XCR1: variants seen among roughly 807,000 people sequenced by gnomAD.
The protein encoded by XCR1 is chemokine XC receptor 1.
For missense variants in XCR1, 356 were observed against 424.2 expected (o/e 0.84, Z 1.41); for synonymous variants, 187 against 188.5 (o/e 0.99, Z 0.06).
At chr3:46,028,215 T>C (rs1708334452), upstream of XCR1, among the ~76,000 whole-genome samples, 6 of 152,138 alleles carry the variant, frequency 3.9e-5, no homozygotes, top group African/African-American at 1.4e-4. Flanking sequence ...GGACAAGAAC[T>C]TGGAGCTCAC....
intron 5 of XCR1, among the ~76,000 whole-genome samples, chr3:46,041,425 C>T (rs1208107990): frequency 6.6e-6 from 1 of 152,108 alleles, no homozygotes; most frequent in Non-Finnish European, 1.5e-5. Flanking sequence ...TTTGGTGGAA[C>T]TGAGGGCCTG....
At chr3:46,081,772 C>T (rs539884126) in intron 1 of XCR1, among the ~76,000 whole-genome samples, 6 of 151,654 alleles carry the variant, frequency 4.0e-5, no homozygotes, top group South Asian at 2.1e-4. Flanking sequence ...TGTGTGATGC[C>T]GAGGTTGGGG....
intron 1 of XCR1, chr3:46,023,221 C>T: frequency 3.7e-6 from 2 of 543,070 alleles, no homozygotes; most frequent in South Asian, 2.4e-5. Flanking sequence ...GAGGACGCGG[C>T]TGCGTCGCGC....
Position 46,021,155 on chromosome 3 carries a change from G to A in XCR1, c.793C>T (p.Leu265=). ...CGGCAGATGAGCAGGGCGTATTCTA[G>A]CTGCTGTTTGGCCTCGCAGCTCCGG... ...IIRSCEAKQQ[L]EYALLICRNL... The change falls in exon 2 of 2, where the codon CTA becomes TTA. Residue 265 remains leucine, a synonymous_variant. Transcript: ENST00000309285. This position sits in a 1 kb window ranked among gnomAD's most constrained non-coding sequence, Gnocchi z 4.7. 1 of 1,614,280 alleles carries A rather than the reference G, an allele frequency of 6.2e-7. No individual in the cohort carries two copies. The highest frequency in any genetic ancestry group is 8.5e-7 in the Non-Finnish European group (1 of 1,180,048).
At chr3:46,036,222 A>T (rs1454053704) in intron 5 of XCR1, among the ~76,000 whole-genome samples, 1 of 152,172 alleles carries the variant, frequency 6.6e-6, no homozygotes. Flanking sequence ...CCTGGTTAAT[A>T]GGTTCCAGGT....
At chr3:46,065,493 C>A (rs1698052002) in intron 4 of XCR1, among the ~76,000 whole-genome samples, 1 of 152,246 alleles carries the variant, frequency 6.6e-6, no homozygotes, top group South Asian at 2.1e-4. Context: ...TCTGGGCCAC[C>A]TGCCAAATAT....
intron 5 of XCR1, among the ~76,000 whole-genome samples, chr3:46,040,950 A>G (rs1314107498): frequency 2.6e-5 from 4 of 152,206 alleles, no homozygotes; most frequent in Non-Finnish European, 5.9e-5. Flanking sequence ...ATGGAGGACT[A>G]AAATATTTTT....
chr3:46,050,699 G>C (rs1307393767), intron 5 of XCR1, among the ~76,000 whole-genome samples: 1 of 152,130 alleles, frequency 6.6e-6, no homozygotes, highest in African/African-American at 2.4e-5. Context: ...AGTGAGACAC[G>C]TTCTCTTTGA....
rs529748157 is a variant in XCR1, at chr3:46,026,773, G to A, written c.-32+644C>T. Among the ~76,000 whole-genome samples, 31 of 151,868 alleles carry A rather than the reference G, an allele frequency of 2.0e-4. No homozygotes were observed. In the South Asian group the frequency reaches 5.0e-3, roughly 25 times the overall value. ...ATTTTTTTGTATTTTTAGTAGAGACGGGGTTTCACCATGTTAGCCAGGATG... is the reference window on the plus strand; with the variant it reads ...ATTTTTTTGTATTTTTAGTAGAGACAGGGTTTCACCATGTTAGCCAGGATG... On this transcript the variant is annotated intron_variant, in intron 1 of 1. Coordinates refer to ENST00000309285, the MANE Select transcript of XCR1 (RefSeq NM_001024644.2).
Position 46,063,222 on chromosome 3 carries a change from A to G in XCR1, c.-183+3677T>C, listed in dbSNP as rs79347333. Among the ~76,000 whole-genome samples, 62 of 152,312 alleles carry G rather than the reference A, an allele frequency of 4.1e-4. No homozygotes were observed. The East Asian group carries it at 8.5e-3, about 21-fold the overall frequency. ...ACCATTTACAAAGGTGTGGCAGGAT[A>G]TAGGGAATGCAAGAAGGGATGGTAA... is the stretch of plus-strand genomic sequence containing the variant. On this transcript the variant is annotated intron_variant, in intron 4 of 5. Coordinates refer to the XCR1 transcript ENST00000683768.
At chr3:46,065,647 G>T (rs534623287) in intron 4 of XCR1, among the ~76,000 whole-genome samples, 1 of 152,180 alleles carries the variant, frequency 6.6e-6, no homozygotes, top group Non-Finnish European at 1.5e-5. Flanking sequence ...GGAAATGCAG[G>T]TGGTGGCCCC....
At position 46,055,220 on chromosome 3, in the gene XCR1, C is replaced by G. The variant is rs1697831880; in HGVS notation, c.-182-1150G>C. Among the ~76,000 whole-genome samples the G allele has an allele frequency of 2.0e-5, 3 of 152,272 alleles. No individual in the cohort carries two copies. In the South Asian group the frequency reaches 6.2e-4, roughly 32 times the overall value. On this transcript the variant is annotated intron_variant, in intron 4 of 5. Coordinates refer to the XCR1 transcript ENST00000683768. ...AAGTCACGTAGCACTTGATACTGAC[C>G]ATTGGCATCCCTGTTGTTCCTATAG...
In XCR1 at chr3:46,019,520, C is replaced by A. The variant is rs1032573544; in HGVS notation, c.*1426G>T. The A allele has an allele frequency of 6.6e-6, 1 of 152,188 alleles. No individual in the cohort carries two copies. Among genetic ancestry groups the A allele is most frequent in the Non-Finnish European group, 1.5e-5 (1 of 68,060 alleles). The allele number at this position is 152,188 out of a possible 1,614,324, so 9.4% of individuals were successfully genotyped here. A position where few individuals can be genotyped will look rare whatever the true frequency, so the allele number is the denominator to read the frequency against. On this transcript the variant is annotated 3_prime_UTR_variant, in exon 2 of 2. Coordinates refer to ENST00000309285, the MANE Select transcript of XCR1 (RefSeq NM_001024644.2). ...GTTCTAATTTGCAGATTAGGGAGGG[C>A]TTCCTGGAGAAGCTGGCCTGTCAGC...
chr3:46,072,918 T>C (rs886269523), intron 3 of XCR1, among the ~76,000 whole-genome samples: 5 of 152,240 alleles, frequency 3.3e-5, no homozygotes, highest in African/African-American at 4.8e-5. Flanking sequence ...AGTATAAAGG[T>C]AGACATATAG....
chr3:46,052,563 A>G (rs1002782050), intron 5 of XCR1, among the ~76,000 whole-genome samples: 1 of 152,098 alleles, frequency 6.6e-6, no homozygotes, highest in African/African-American at 2.4e-5. Context: ...CAATTATAAC[A>G]CTTTCCCATT....
chr3:46,085,048 T>C (rs956394811), intron 1 of XCR1, among the ~76,000 whole-genome samples: 3 of 152,082 alleles, frequency 2.0e-5, no homozygotes, highest in Non-Finnish European at 4.4e-5. Context: ...TGGCCTCACA[T>C]TGGCTCAAGT....
At chr3:46,039,904 T>C (rs115865169) in intron 5 of XCR1, among the ~76,000 whole-genome samples, 137 of 152,304 alleles carry the variant, frequency 9.0e-4, no homozygotes, top group African/African-American at 3.0e-3. Context: ...TCTAGGAGCA[T>C]TGATCTGTTT....
chr3:46,035,425 C>T (rs1177738062), intron 5 of XCR1, among the ~76,000 whole-genome samples: 2 of 152,198 alleles, frequency 1.3e-5, no homozygotes, highest in Non-Finnish European at 2.9e-5. Context: ...GTTTTCTGTG[C>T]CATGAGCAAC....
At chr3:46,082,623 T>C (rs1363648683) in intron 1 of XCR1, among the ~76,000 whole-genome samples, 4 of 151,148 alleles carry the variant, frequency 2.6e-5, no homozygotes, top group African/African-American at 9.7e-5. Context: ...CCCGAGTAGC[T>C]GGGGCAACAG....
Sources: gnomAD v4.1 joint callset for allele counts (sites outside exome capture counted in the v4.1 genomes callset) on GRCh38, gnomAD v4.1.1 for gene constraint, Gnocchi (gnomAD v3.1) non-coding constraint, MANE v1.5 for transcripts, NCBI Gene and HGNC (gene_info 2026-07-23, HGNC 2026-07-21) for gene names.